RBFOX1: variants seen among roughly 807,000 people sequenced by gnomAD.
The protein encoded by RBFOX1 is RNA binding fox-1 homolog 1.
RBFOX1 carries 8 observed loss-of-function variants against 57.7 expected under a neutral mutation model. That is an observed-to-expected ratio of 0.14 (90% CI 0.08 to 0.25). RBFOX1 has a LOEUF of 0.25. Among genes scored for constraint, RBFOX1 ranks in the 10% least tolerant of loss-of-function variants. RBFOX1 has a pLI of 1.00. For synonymous variants in RBFOX1, 326 were observed against 222.4 expected (o/e 1.47, Z -4.15); for missense variants, 611 against 548.5 (o/e 1.11, Z -1.14).
intron 3 of RBFOX1, among the ~76,000 whole-genome samples, chr16:6,918,923 G>A (rs2073857333): frequency 6.6e-6 from 1 of 152,112 alleles, no homozygotes. Flanking sequence ...CTGTGATCTA[G>A]TTACGCAGGG....
intron 3 of RBFOX1, among the ~76,000 whole-genome samples, chr16:6,723,275 C>T (rs905385393): frequency 1.3e-5 from 2 of 152,278 alleles, no homozygotes; most frequent in South Asian, 2.1e-4. Context: ...GTGTTTCTTA[C>T]CTGGACAATC....
At chr16:5,254,093 G>T (rs1567238992) in intron 1 of RBFOX1, among the ~76,000 whole-genome samples, 1 of 152,186 alleles carries the variant, frequency 6.6e-6, no homozygotes, top group African/African-American at 2.4e-5. Flanking sequence ...ATTCTCATTT[G>T]TGTCTCTAGT....
chr16:6,175,532 A>G (rs2096999115), intron 1 of RBFOX1, among the ~76,000 whole-genome samples: 4 of 152,248 alleles, frequency 2.6e-5, no homozygotes, highest in Admixed American at 2.6e-4. Flanking sequence ...GGATGGGCTT[A>G]GAGGTGGTTG....
intron 4 of RBFOX1, among the ~76,000 whole-genome samples, chr16:7,138,017 G>A (rs1308821132): frequency 6.6e-6 from 1 of 152,138 alleles, no homozygotes; most frequent in Admixed American, 6.5e-5. Context: ...TAACTTGCCC[G>A]AGGTGACACA....
At chr16:7,680,001 C>A (rs530573648) in intron 14 of RBFOX1, among the ~76,000 whole-genome samples, 1 of 152,276 alleles carries the variant, frequency 6.6e-6, no homozygotes, top group African/African-American at 2.4e-5. Context: ...TTATGCAAAG[C>A]CAACTGTCTG....
intron 2 of RBFOX1, among the ~76,000 whole-genome samples, chr16:5,593,631 T>C (rs907457012): frequency 6.6e-6 from 1 of 152,076 alleles, no homozygotes; most frequent in South Asian, 2.1e-4. Context: ...AGATTACAAA[T>C]GCCATGGCGA....
intron 2 of RBFOX1, among the ~76,000 whole-genome samples, chr16:6,365,467 G>T (rs1406248756): frequency 6.7e-6 from 1 of 150,108 alleles, no homozygotes; most frequent in Non-Finnish European, 1.5e-5. Flanking sequence ...TGAATGGATG[G>T]GTGGGTGGAT....
intron 1 of RBFOX1, among the ~76,000 whole-genome samples, chr16:5,352,681 A>G (rs1011511421): frequency 1.3e-5 from 2 of 152,208 alleles, no homozygotes; most frequent in Non-Finnish European, 2.9e-5. Context: ...GGTGGCTCAT[A>G]CTTGTAATTC....
At chr16:6,855,378 G>C (rs1392174085) in intron 3 of RBFOX1, among the ~76,000 whole-genome samples, 1 of 152,068 alleles carries the variant, frequency 6.6e-6, no homozygotes, top group Non-Finnish European at 1.5e-5. Flanking sequence ...TTGGCCGGGC[G>C]CAGTGGCTCA....
intron 4 of RBFOX1, among the ~76,000 whole-genome samples, chr16:7,272,136 G>C (rs1189961154): frequency 2.0e-5 from 3 of 152,090 alleles, no homozygotes; most frequent in Admixed American, 6.5e-5. Context: ...ATTTCTAATG[G>C]TTATGCAATA....
chr16:5,714,015 T>A (rs1237995496), intron 3 of RBFOX1, among the ~76,000 whole-genome samples: 1 of 152,306 alleles, frequency 6.6e-6, no homozygotes, highest in East Asian at 1.9e-4. Flanking sequence ...GCTTGTTACC[T>A]AATTAGGAGG....
At chr16:5,302,392 G>A (rs971154633) in intron 1 of RBFOX1, among the ~76,000 whole-genome samples, 2 of 152,164 alleles carry the variant, frequency 1.3e-5, no homozygotes, top group African/African-American at 4.8e-5. Context: ...ACAGGCACTT[G>A]AAAAGAATGT....
chr16:6,911,620 C>G (rs2071623146), intron 3 of RBFOX1, among the ~76,000 whole-genome samples: 1 of 152,152 alleles, frequency 6.6e-6, no homozygotes, highest in African/African-American at 2.4e-5. Context: ...CAAATCACGT[C>G]TCACAGATCC....
intron 4 of RBFOX1, among the ~76,000 whole-genome samples, chr16:5,961,820 G>A (rs956540281): frequency 2.0e-5 from 3 of 152,192 alleles, no homozygotes; most frequent in African/African-American, 7.2e-5. Context: ...GAGTCATCAT[G>A]TCCCGCCTCC....
intron 3 of RBFOX1, among the ~76,000 whole-genome samples, chr16:6,955,499 C>G (rs751034263): frequency 6.6e-6 from 1 of 151,454 alleles, no homozygotes; most frequent in African/African-American, 2.4e-5. Context: ...ATATGAATCT[C>G]ACGGAATTAA....
intron 4 of RBFOX1, among the ~76,000 whole-genome samples, chr16:5,884,501 G>T (rs2057848512): frequency 7.7e-6 from 1 of 129,678 alleles, no homozygotes; most frequent in African/African-American, 2.9e-5. Flanking sequence ...GTACACAGCT[G>T]GACTACATTT....
At chr16:6,088,791 G>C (rs1223371027) in intron 1 of RBFOX1, among the ~76,000 whole-genome samples, 1 of 152,106 alleles carries the variant, frequency 6.6e-6, no homozygotes, top group Non-Finnish European at 1.5e-5. Context: ...TCATTCTTCA[G>C]ATCCTCAAAA....
chr16:5,903,337 C>A (rs566277609), intron 4 of RBFOX1, among the ~76,000 whole-genome samples: 20 of 152,302 alleles, frequency 1.3e-4, no homozygotes, highest in South Asian at 8.3e-4. Context: ...TCAACCTGTC[C>A]TCTGAGAAGT....
chr16:6,962,033 A>T (rs2083131350), intron 3 of RBFOX1, among the ~76,000 whole-genome samples: 1 of 152,142 alleles, frequency 6.6e-6, no homozygotes, highest in Non-Finnish European at 1.5e-5. Flanking sequence ...GCCCCTATTC[A>T]AGATGGAGTT....
Sources: gnomAD v4.1 joint callset for allele counts (sites outside exome capture counted in the v4.1 genomes callset) on GRCh38, gnomAD v4.1.1 for gene constraint, MANE v1.5 for transcripts, NCBI Gene and HGNC (gene_info 2026-07-23, HGNC 2026-07-21) for gene names.